Variants in ARHGAP5 observed in about 807,000 individuals in gnomAD.
ARHGAP5 encodes the protein Rho GTPase activating protein 5, also known as rho GTPase-activating protein 5.
ARHGAP5 carries 23 observed loss-of-function variants against 116.6 expected under a neutral mutation model. The ratio of observed to expected loss-of-function variants is 0.20; its 90% confidence interval spans 0.14 to 0.28. The LOEUF is 0.28. Among genes scored for constraint, ARHGAP5 ranks in the 10% least tolerant of loss-of-function variants. The pLI, the probability that ARHGAP5 is intolerant of heterozygous loss-of-function variation, is 1.00. For synonymous variants in ARHGAP5, 574 were observed against 602.0 expected (o/e 0.95, Z 0.68); for missense variants, 1,405 against 1,774.8 (o/e 0.79, Z 3.74).
intron 4 of ARHGAP5, among the ~76,000 whole-genome samples, chr14:32,149,163 T>G (rs1881525831): frequency 6.6e-6 from 1 of 151,808 alleles, no homozygotes; most frequent in African/African-American, 2.4e-5. Context: ...TTCTTTCTAG[T>G]TACTTATGGC....
chr14:32,148,551 C>T (rs983657545), intron 4 of ARHGAP5, among the ~76,000 whole-genome samples: 1 of 152,016 alleles, frequency 6.6e-6, no homozygotes, highest in Non-Finnish European at 1.5e-5. Context: ...AGGAAATAAG[C>T]TTGTATGTAT....
chr14:32,079,377 T>C (rs985018691), intron 1 of ARHGAP5, among the ~76,000 whole-genome samples: 2 of 152,178 alleles, frequency 1.3e-5, no homozygotes, highest in East Asian at 1.9e-4. Context: ...TTTTGTAGTG[T>C]CCCTCCCCAT....
chr14:32,111,645 C>G (rs1215841595), intron 2 of ARHGAP5, among the ~76,000 whole-genome samples: 1 of 151,940 alleles, frequency 6.6e-6, no homozygotes, highest in Non-Finnish European at 1.5e-5. Context: ...GGGCAAAACC[C>G]AGTGTTTTGT....
chr14:32,144,093 TATAG>T (rs1345945311), intron 3 of ARHGAP5, among the ~76,000 whole-genome samples: 2 of 152,162 alleles, frequency 1.3e-5, no homozygotes, highest in Non-Finnish European at 2.9e-5. Flanking sequence ...GTAATAGAGC[TATAG>T]ATAAAGTACT....
intron 3 of ARHGAP5, among the ~76,000 whole-genome samples, chr14:32,140,114 C>CT (rs1881045011): frequency 6.6e-5 from 1 of 15,116 alleles, no homozygotes; most frequent in Non-Finnish European, 1.3e-4. Context: ...TTTTTTTTTT[C>CT]CTTTTTTTTT....
intron 3 of ARHGAP5, among the ~76,000 whole-genome samples, chr14:32,132,242 A>C (rs1394959797): frequency 6.6e-6 from 1 of 152,100 alleles, no homozygotes; most frequent in East Asian, 1.9e-4. Context: ...CCTCTCCAGC[A>C]CCTGTTGTTT....
intron 3 of ARHGAP5, among the ~76,000 whole-genome samples, chr14:32,127,763 C>T (rs1214921566): frequency 1.3e-5 from 2 of 148,790 alleles, no homozygotes; most frequent in Non-Finnish European, 1.5e-5. Flanking sequence ...GCAGAGGGGC[C>T]TCCCCACCCC....
chr14:32,121,257 A>G (rs1326094428), intron 3 of ARHGAP5, among the ~76,000 whole-genome samples: 1 of 151,692 alleles, frequency 6.6e-6, no homozygotes, highest in East Asian at 1.9e-4. Flanking sequence ...ATCTTCCCAC[A>G]TATGTTTGTT....
At chr14:32,112,454 A>G (rs201777630) in intron 2 of ARHGAP5, among the ~76,000 whole-genome samples, 1 of 152,226 alleles carries the variant, frequency 6.6e-6, no homozygotes, top group Non-Finnish European at 1.5e-5. Context: ...TAATTGCTGA[A>G]TGGAATGTTT....
chr14:32,159,054 A>T lies in ARHGAP5; in HGVS notation c.*4106A>T, dbSNP rs575711815. 1.3e-5 allele frequency: 2 copies of T among 152,200 alleles called. No homozygotes were observed. Among genetic ancestry groups the T allele is most frequent in the East Asian group, 3.9e-4 (2 of 5,180 alleles). The allele number at this position is 152,200 out of a possible 1,614,324, so 9.4% of individuals were successfully genotyped here. ...GAATCTCATATTCACATCTTAATTA[A>T]ATTGTGTGAAATTAGTCTTTTGTGG... On this transcript the variant is annotated 3_prime_UTR_variant, in exon 7 of 7. Transcript: ENST00000345122.
intron 1 of ARHGAP5, among the ~76,000 whole-genome samples, chr14:32,089,800 T>A (rs2139011679): frequency 6.6e-6 from 1 of 152,020 alleles, no homozygotes; most frequent in South Asian, 2.1e-4. Context: ...TTCGTTATAT[T>A]TTGCAGTTGG....
intron 5 of ARHGAP5, among the ~76,000 whole-genome samples, 178 bp from the exon 6 acceptor site, chr14:32,152,245 C>G (rs1481309054): frequency 1.3e-5 from 2 of 152,156 alleles, no homozygotes; most frequent in African/African-American, 4.8e-5. Context: ...AAAACTGGTC[C>G]CTGGTGCCAA....
chr14:32,087,177 A>G (rs958462699), intron 1 of ARHGAP5, among the ~76,000 whole-genome samples: 6 of 149,426 alleles, frequency 4.0e-5, no homozygotes, highest in Non-Finnish European at 5.9e-5. Context: ...TAGTGGGAGC[A>G]TGAAAAAAAA....
At chr14:32,100,826 C>G (rs1469132459) in intron 2 of ARHGAP5, among the ~76,000 whole-genome samples, 6 of 151,972 alleles carry the variant, frequency 3.9e-5, no homozygotes, top group Admixed American at 2.6e-4. Flanking sequence ...GAAAAGCAGC[C>G]CTTTAAGAGA....
In ARHGAP5 at chr14:32,093,505, G is replaced by C; in HGVS notation, c.2836G>C (p.Glu946Gln). 6.2e-7 allele frequency: 1 copy of C among 1,612,524 alleles called. No individual in the cohort carries two copies. Among genetic ancestry groups the C allele is most frequent in the Non-Finnish European group, 8.5e-7 (1 of 1,179,586 alleles). Reference sequence around the variant, plus strand: ...TGTTCTAGAGAAAAAAAATATGATAGAAAATTCTTATTTGTCTGATAATAC... The same window carrying C: ...TGTTCTAGAGAAAAAAAATATGATACAAAATTCTTATTTGTCTGATAATAC... ...SDVLEKKNMI[E>Q]NSYLSDNTRE... The change falls in exon 2 of 7, where the codon GAA (glutamate) becomes CAA (glutamine). Residue 946 changes from glutamate (E) to glutamine (Q), a missense_variant. Coordinates refer to ENST00000345122, the MANE Select transcript of ARHGAP5 (RefSeq NM_001030055.2).
chr14:32,138,530 C>A (rs140365950), intron 3 of ARHGAP5, among the ~76,000 whole-genome samples: 6 of 152,254 alleles, frequency 3.9e-5, no homozygotes, highest in African/African-American at 1.4e-4. Flanking sequence ...GTGATCTGCC[C>A]GCCTCAGCCT....
At chr14:32,121,013 CT>C (rs56377207) in intron 3 of ARHGAP5, among the ~76,000 whole-genome samples, 4 of 104,948 alleles carry the variant, frequency 3.8e-5, no homozygotes, top group Admixed American at 1.2e-4. Flanking sequence ...AGGATTATGT[CT>C]TTTTTTTTTT....
At chr14:32,153,228 G>A (rs1881726579) in intron 6 of ARHGAP5, among the ~76,000 whole-genome samples, 1 of 149,376 alleles carries the variant, frequency 6.7e-6, no homozygotes, top group Non-Finnish European at 1.5e-5. Flanking sequence ...GAAACATGGT[G>A]AAACCCCATC....
chr14:32,108,776 A>T (rs1426078936), intron 2 of ARHGAP5, among the ~76,000 whole-genome samples: 1 of 152,176 alleles, frequency 6.6e-6, no homozygotes, highest in Admixed American at 6.5e-5. Context: ...GAAGGATTAA[A>T]ATTTATATAA....
Sources: allele counts gnomAD v4.1 joint callset (sites outside exome capture counted in the v4.1 genomes callset), GRCh38; gene constraint gnomAD v4.1.1; transcripts MANE v1.5; gene names NCBI Gene and HGNC (gene_info 2026-07-23, HGNC 2026-07-21).